The following FREM2 variants were observed in gnomAD, a reference collection of about 807,000 sequenced individuals.
The protein encoded by FREM2 is FRAS1 related extracellular matrix 2.
In FREM2, 119 loss-of-function variants were observed where a neutral mutation model predicts 219.9. The observed-to-expected ratio is 0.54, with a 90% CI of 0.47 to 0.63. The LOEUF is 0.63. Among genes scored for constraint, FREM2 ranks in the 30% least tolerant of loss-of-function variants. FREM2 has a pLI of 0.00. For synonymous variants in FREM2, 1,562 were observed against 1,522.8 expected, an observed-to-expected ratio of 1.03 and a Z score of -0.60; for missense variants, 4,030 against 3,993.6, an observed-to-expected ratio of 1.01 and a Z score of -0.25.
chr13:38,715,709 A>G (rs1048120528), intron 2 of FREM2, among the ~76,000 whole-genome samples: 1 of 152,046 alleles, frequency 6.6e-6, no homozygotes, highest in African/African-American at 2.4e-5. Context: ...AGATTAATGG[A>G]GATAACTCAG....
At position 38,783,068 on chromosome 13, in the gene FREM2, A is replaced by G; in HGVS notation, c.5642-2A>G. The G allele has an allele frequency of 6.2e-7, 1 of 1,613,476 alleles. No homozygotes were observed. The highest frequency in any genetic ancestry group is 1.3e-5 in the African/African-American group (1 of 75,020). On this transcript the variant is annotated splice_acceptor_variant, in intron 4 of 23. Transcript: ENST00000280481. LOFTEE classifies it high-confidence loss of function. ...ATGCTTGCAATTGTGTTTTCTCTCTAGAGCCAACTGTGTTTATTCCCCAGT... is the reference window on the plus strand; with the variant it reads ...ATGCTTGCAATTGTGTTTTCTCTCTGGAGCCAACTGTGTTTATTCCCCAGT...
chr13:38,749,793 T>G (rs1036632694), intron 2 of FREM2, among the ~76,000 whole-genome samples: 1 of 152,184 alleles, frequency 6.6e-6, no homozygotes, highest in Non-Finnish European at 1.5e-5. Flanking sequence ...TAGACCTTAT[T>G]ATTAATTGTA....
intron 2 of FREM2, among the ~76,000 whole-genome samples, chr13:38,743,686 C>A (rs1211045262): frequency 2.6e-5 from 4 of 152,158 alleles, no homozygotes; most frequent in African/African-American, 9.7e-5. Context: ...CTGGAGTCAT[C>A]AAGCCTGTGT....
chr13:38,790,373 TC>T (rs953071867), intron 6 of FREM2, among the ~76,000 whole-genome samples: 2 of 152,182 alleles, frequency 1.3e-5, no homozygotes, highest in African/African-American at 4.8e-5. Context: ...TATTTTTTTT[TC>T]AATTCTGTCT....
chr13:38,711,937 T>C (rs1020416697), intron 2 of FREM2, among the ~76,000 whole-genome samples: 1 of 149,016 alleles, frequency 6.7e-6, no homozygotes, highest in African/African-American at 2.5e-5. Flanking sequence ...TTTTTTTTTT[T>C]TGAGGGGATT....
chr13:38,711,296 C>T (rs1334184893), intron 2 of FREM2, among the ~76,000 whole-genome samples: 1 of 152,126 alleles, frequency 6.6e-6, no homozygotes, highest in African/African-American at 2.4e-5. Flanking sequence ...AGTTAAATGA[C>T]AATTCATGTC....
At chr13:38,694,993 AAAAC>A (rs1279167221) in intron 1 of FREM2, among the ~76,000 whole-genome samples, 8 of 152,348 alleles carry the variant, frequency 5.3e-5, no homozygotes, top group South Asian at 2.1e-4. Context: ...CTTAGAATTA[AAAAC>A]AAACAAACAA....
chr13:38,838,288 C>A (rs1566161164), intron 6 of FREM2, among the ~76,000 whole-genome samples: 1 of 152,052 alleles, frequency 6.6e-6, no homozygotes, highest in South Asian at 2.1e-4. Flanking sequence ...AATATTGGCC[C>A]CCACTCTCTT....
intron 6 of FREM2, among the ~76,000 whole-genome samples, chr13:38,836,924 G>GT (rs536909750): frequency 1.3e-5 from 2 of 151,952 alleles, no homozygotes; most frequent in African/African-American, 4.8e-5. Context: ...TTTTTAAAGG[G>GT]TTTTTTGCGT....
In FREM2 at chr13:38,833,900, T is replaced by A. The variant is rs114092367; in HGVS notation, c.6020-12673T>A. On this transcript the variant is annotated intron_variant, in intron 6 of 23. Coordinates refer to ENST00000280481, the MANE Select transcript of FREM2 (RefSeq NM_207361.6). ...TTCACCTACCACTATGATGTTCTGC[T>A]TCATTTTTAGTCCATAGAGATGTTT... is the stretch of plus-strand genomic sequence containing the variant. 9.8e-3 allele frequency among the ~76,000 whole-genome samples: 1,497 copies of A among 152,284 alleles called. 22 individuals carry two copies. Among genetic ancestry groups the A allele is most frequent in the African/African-American group, 0.034 (1,404 of 41,550 alleles).
chr13:38,850,702 G>A (rs1018174417), intron 9 of FREM2, among the ~76,000 whole-genome samples: 1 of 152,166 alleles, frequency 6.6e-6, no homozygotes, highest in Admixed American at 6.5e-5. Flanking sequence ...AAGATGAGTG[G>A]CAGAGCTCAA....
rs560149510 is a variant in FREM2 at position 38,826,345 on chromosome 13, A to G, written c.6020-20228A>G. On this transcript the variant is annotated intron_variant, in intron 6 of 23. Coordinates refer to ENST00000280481, the MANE Select transcript of FREM2 (RefSeq NM_207361.6). Reference sequence around the variant, plus strand: ...CCCAGTGTCGGGCATTTCGTAAGTGACTGAGAGGGGGAGTGGCACCCCTGG... The same window carrying G: ...CCCAGTGTCGGGCATTTCGTAAGTGGCTGAGAGGGGGAGTGGCACCCCTGG... Among the ~76,000 whole-genome samples the G allele has an allele frequency of 8.7e-4, 132 of 152,204 alleles. 1 individual carries two copies. In the South Asian group the frequency reaches 0.015, roughly 17 times the overall value.
chr13:38,851,910 A>C, intron 11 of FREM2, 42 bp downstream of exon 11: 1 of 1,553,510 alleles, frequency 6.4e-7, no homozygotes, highest in Non-Finnish European at 8.9e-7. Flanking sequence ...GATCATGCCA[A>C]CTCTGTGTTT....
intron 4 of FREM2, among the ~76,000 whole-genome samples, chr13:38,780,815 A>T (rs942474562): frequency 1.3e-5 from 2 of 152,120 alleles, no homozygotes; most frequent in Non-Finnish European, 2.9e-5. Context: ...ACCATAGGAT[A>T]CCCCACTTCT....
intron 2 of FREM2, among the ~76,000 whole-genome samples, chr13:38,744,770 G>A (rs1181899231): frequency 1.3e-5 from 2 of 152,178 alleles, no homozygotes; most frequent in African/African-American, 4.8e-5. Flanking sequence ...GGGATTACAG[G>A]CGTAAGCCAC....
At chr13:38,763,477 T>TTTTTTTTTTTTTTC (rs61540446) in intron 2 of FREM2, among the ~76,000 whole-genome samples, 10 of 150,164 alleles carry the variant, frequency 6.7e-5, no homozygotes, top group Admixed American at 6.6e-5. Context: ...TTTTTTTTTT[T>TTTTTTTTTTTTTTC]ACACCCTCTT....
intron 2 of FREM2, among the ~76,000 whole-genome samples, chr13:38,733,105 A>G (rs1287129306): frequency 6.6e-6 from 1 of 152,216 alleles, no homozygotes; most frequent in Non-Finnish European, 1.5e-5. Context: ...TGCTAGAGAC[A>G]TCAAGTAAAG....
chr13:38,784,615 G>C lies in FREM2; in HGVS notation c.5826G>C (p.Arg1942Ser), dbSNP rs1874249896. The change falls in exon 6 of 24, where the codon AGG becomes AGC. Residue 1942 changes from arginine to serine, a missense_variant. Arg to Ser is a moderately radical substitution (Grantham distance 110). Transcript: ENST00000280481. The part of the protein sequence containing the change: ...SVLSYSDYIS[R>S]PEDHTSVVRF... ...TGTCTTACTCTGATTACATATCCAG[G>C]CCTGAGGACCACACCAGTGTTGTCC... 6.2e-7 allele frequency: 1 copy of C among 1,614,142 alleles called. No homozygotes were observed. Among genetic ancestry groups the C allele is most frequent in the Non-Finnish European group, 8.5e-7 (1 of 1,180,000 alleles).
intron 2 of FREM2, among the ~76,000 whole-genome samples, chr13:38,759,286 A>G (rs955801697): frequency 6.6e-6 from 1 of 152,178 alleles, no homozygotes; most frequent in African/African-American, 2.4e-5. Flanking sequence ...CCAAGAAGAA[A>G]TTTGTTGTCA....
Sources: gnomAD v4.1 joint callset for allele counts (sites outside exome capture counted in the v4.1 genomes callset) on GRCh38, gnomAD v4.1.1 for gene constraint, MANE v1.5 for transcripts, NCBI Gene and HGNC (gene_info 2026-07-23, HGNC 2026-07-21) for gene names.